CAMSAP3: variants seen among roughly 807,000 people sequenced by gnomAD.
CAMSAP3 encodes the protein calmodulin-regulated spectrin-associated protein 3.
CAMSAP3 carries 34 observed loss-of-function variants against 112.5 expected under a neutral mutation model. The ratio of observed to expected loss-of-function variants is 0.30; its 90% CI spans 0.23 to 0.40. The LOEUF (loss-of-function observed/expected upper bound fraction) is 0.40, where lower values mean the gene tolerates loss of function less well. CAMSAP3 is among the 10% of genes least tolerant of loss of function. The pLI, the probability that CAMSAP3 is intolerant of heterozygous loss-of-function variation, is 1.00. For synonymous variants in CAMSAP3, 868 were observed against 799.8 expected, an observed-to-expected ratio of 1.09 and a Z score of -1.44; for missense variants, 1,602 against 1,770.3, an observed-to-expected ratio of 0.90 and a Z score of 1.71.
chr19:7,606,153 C>CCCCCCCCCCCCCCCA, intron 2 of CAMSAP3, 118 bp from the exon 3 acceptor site: 1 of 471,770 alleles, frequency 2.1e-6, no homozygotes, highest in African/African-American at 2.3e-5. Flanking sequence ...CCCCTCAAGC[C>CCCCCCCCCCCCCCCA]CCACCCCCCC....
Position 7,615,322 on chromosome 19 carries a change from G to A in CAMSAP3, c.2810G>A (p.Arg937Lys). The A allele has an allele frequency of 1.9e-6, 3 of 1,544,568 alleles. No individual in the cohort carries two copies. The highest frequency in any genetic ancestry group is 2.6e-6 in the Non-Finnish European group (3 of 1,143,310). ...EKEQRREEAA[R>K]LAQEEAPGPA... ...GAACAGCGGAGGGAGGAGGCCGCGA[G>A]GTGAGGCCGGGCCTGCCCGGGACGC... is the stretch of plus-strand genomic sequence containing the variant. The change falls in exon 12 of 17, where the codon AGG (arginine) becomes AAG (lysine). Residue 937 changes from arginine (R) to lysine (K), a missense_variant and splice_region_variant. By Grantham distance (26) the Arg-to-Lys change is conservative. This residue lies in a region of CAMSAP3 where 1,100 missense variants were observed against 1,135.7 expected (regional missense o/e 0.97). Coordinates refer to ENST00000160298, the MANE Select transcript of CAMSAP3 (RefSeq NM_020902.2). This position sits in a 1 kb window ranked among gnomAD's most constrained non-coding sequence, Gnocchi z 6.5.
intron 4 of CAMSAP3, 87 bp downstream of exon 4, chr19:7,606,658 G>T: frequency 6.5e-7 from 1 of 1,545,446 alleles, no homozygotes; most frequent in Admixed American, 1.8e-5. Context: ...CTCCTGAAGT[G>T]GGGAGGGGGC....
Position 7,599,588 on chromosome 19 carries a change from A to AT in CAMSAP3, c.148+3438_148+3439insT, listed in dbSNP as rs1460921781. ...CATCCATCCATCCATCCATCCATCC[A>AT]CCCACCCACCTACTCACCGCACTCA... On this transcript the variant is annotated intron_variant, in intron 1 of 16. Coordinates refer to ENST00000160298, the MANE Select transcript of CAMSAP3 (RefSeq NM_020902.2). Among the ~76,000 whole-genome samples the AT allele has an allele frequency of 1.4e-3, 116 of 81,302 alleles. 1 individual carries two copies. Among genetic ancestry groups the AT allele is most frequent in the Middle Eastern group, 8.9e-3 (1 of 112 alleles). 53.3% of individuals were successfully genotyped at this position (81,302 alleles called of 152,430 possible).
Position 7,610,385 on chromosome 19 carries a change from T to C in CAMSAP3, c.761-91T>C. On this transcript the variant is annotated intron_variant, in intron 5 of 16. Transcript: ENST00000160298. This position sits in a 1 kb window ranked among gnomAD's most constrained non-coding sequence, Gnocchi z 4.9. ...CAGAAGCTGGGCTCATAGGAGGTCT[T>C]CCGTGTGTGGGGGACTGCTGGTCCC... is the stretch of plus-strand genomic sequence containing the variant. The C allele has an allele frequency of 8.2e-7, 1 of 1,216,294 alleles. No individual in the cohort carries two copies. The highest frequency in any genetic ancestry group is 1.2e-6 in the Non-Finnish European group (1 of 868,142). The allele number at this position is 1,216,294 out of a possible 1,614,324, so 75.3% of individuals were successfully genotyped here.
rs770844642 is a variant in CAMSAP3, at chr19:7,612,957, A to G, written c.2464A>G (p.Thr822Ala). The G allele has an allele frequency of 8.1e-6, 13 of 1,605,938 alleles. No individual in the cohort carries two copies. Among genetic ancestry groups the G allele is most frequent in the Non-Finnish European group, 1.1e-5 (13 of 1,178,044 alleles). ...KFSPSQVPVQ[T>A]RSSILLAEET... ...CTCGCCGAGCCAGGTGCCCGTGCAG[A>G]CGCGCTCTTCCATCCTCCTGGCGGA... The change falls in exon 11 of 17, where the codon ACG becomes GCG. Residue 822 changes from threonine to alanine, a missense_variant. Physicochemically the swap from Thr to Ala is moderately conservative, Grantham distance 58 (BLOSUM62 0). Coordinates refer to ENST00000160298, the MANE Select transcript of CAMSAP3 (RefSeq NM_020902.2).
intron 2 of CAMSAP3, 115 bp from the exon 3 acceptor site, chr19:7,606,156 A>ACCCCCCCCCCCCCCCCCCCACCCCCCCCC: frequency 4.4e-6 from 1 of 224,848 alleles, no homozygotes; most frequent in Non-Finnish European, 8.5e-6. Context: ...CTCAAGCCCC[A>ACCCCCCCCCCCCCCCCCCCACCCCCCCCC]CCCCCCCCGT....
chr19:7,615,630 C>T lies in CAMSAP3; in HGVS notation c.3023C>T (p.Pro1008Leu). Residue 1008 changes from proline to leucine, a missense_variant, in exon 13 of 17, where the codon CCA (proline) becomes CTA (leucine). By Grantham distance (98) the Pro-to-Leu change is moderately conservative. Around this residue, in one of 6 missense-constraint regions of CAMSAP3, gnomAD observed 1,100 missense variants for 1,135.7 expected, o/e 0.97. Coordinates refer to ENST00000160298, the MANE Select transcript of CAMSAP3 (RefSeq NM_020902.2). This position sits in a 1 kb window ranked among gnomAD's most constrained non-coding sequence, Gnocchi z 6.5. ...LRPRAAGSGG[P>L]GRGGRRATRP... The stretch of plus-strand genomic sequence containing the variant: ...CCCCGGGCTGCGGGGTCCGGGGGTC[C>T]AGGTCGGGGCGGGCGGAGGGCCACC... 2 of 1,437,610 alleles carry T rather than the reference C, an allele frequency of 1.4e-6. No individual in the cohort carries two copies. The highest frequency in any genetic ancestry group is 1.8e-6 in the Non-Finnish European group (2 of 1,098,834). 89.1% of individuals were successfully genotyped at this position (1,437,610 alleles called of 1,614,324 possible).
rs752095273 is a variant in CAMSAP3 at position 7,618,077 on chromosome 19, G to T, written c.*20G>T. On this transcript the variant is annotated 3_prime_UTR_variant, in exon 17 of 17. Coordinates refer to ENST00000160298, the MANE Select transcript of CAMSAP3 (RefSeq NM_020902.2). ...AAATAGCCCCACCCGGGCGGTCCAC[G>T]GGCCGGGCCCTGTGTGCTGCGGCCG... is the stretch of plus-strand genomic sequence containing the variant. 2 of 1,602,778 alleles carry T rather than the reference G, an allele frequency of 1.2e-6. No homozygotes were observed. Among genetic ancestry groups the T allele is most frequent in the African/African-American group, 2.7e-5 (2 of 74,764 alleles).
At chr19:7,609,329 A>G (rs923474182) in intron 5 of CAMSAP3, among the ~76,000 whole-genome samples, 1 of 151,650 alleles carries the variant, frequency 6.6e-6, no homozygotes, top group Admixed American at 6.6e-5. Flanking sequence ...AAAAAAAAAA[A>G]AAAAAAGTAT....
At chr19:7,606,695 C>A in intron 4 of CAMSAP3, 124 bp downstream of exon 4, 10 of 1,583,706 alleles carry the variant, frequency 6.3e-6, no homozygotes, top group Non-Finnish European at 8.7e-6. Flanking sequence ...TCTCTTTCTT[C>A]CCCCCTCTCT....
intron 2 of CAMSAP3, 115 bp from the exon 3 acceptor site, chr19:7,606,156 A>ACCCCCCCCCCCCCCCCCCCACCCCCCCC: frequency 4.4e-6 from 1 of 224,848 alleles, no homozygotes; most frequent in African/African-American, 4.4e-5. Context: ...CTCAAGCCCC[A>ACCCCCCCCCCCCCCCCCCCACCCCCCCC]CCCCCCCCGT....
chr19:7,607,145 TG>T lies in CAMSAP3; in HGVS notation c.621+578del, dbSNP rs1203151771. The stretch of plus-strand genomic sequence containing the variant: ...CTGAACCTGTCCCCCTTAGCCGAGG[TG>T]GGGAGACCACATAAATTTCTGAAGG... On this transcript the variant is annotated intron_variant, in intron 4 of 16. Transcript: ENST00000160298. The surrounding 1 kb of genome is among the most constrained non-coding windows in gnomAD (Gnocchi z 4.9). Among the ~76,000 whole-genome samples the T allele has an allele frequency of 6.6e-6, 1 of 152,060 alleles. No individual in the cohort carries two copies. The highest frequency in any genetic ancestry group is 1.5e-5 in the Non-Finnish European group (1 of 68,010).
In CAMSAP3 at chr19:7,599,452, TCCAC is replaced by T. The variant is rs1180720745; in HGVS notation, c.148+3321_148+3324del. On this transcript the variant is annotated intron_variant, in intron 1 of 16. Coordinates refer to ENST00000160298, the MANE Select transcript of CAMSAP3 (RefSeq NM_020902.2). Reference sequence around the variant, plus strand: ...CCCACCTACCCACTGCACTCATCCATCCACCCACCCACCCACCCACCCCACTCAT... The same window carrying T: ...CCCACCTACCCACTGCACTCATCCATCCACCCACCCACCCACCCCACTCAT... 8.4e-3 allele frequency among the ~76,000 whole-genome samples: 423 copies of T among 50,276 alleles called. 6 individuals carry two copies. The highest frequency in any genetic ancestry group is 0.01 in the Non-Finnish European group (277 of 26,408). The allele number at this position is 50,276 out of a possible 152,430, so 33.0% of individuals were successfully genotyped here. A position where few individuals can be genotyped will look rare whatever the true frequency, so the allele number is the denominator to read the frequency against.
intron 13 of CAMSAP3, 79 bp from the exon 14 acceptor site, chr19:7,616,443 TC>T: frequency 2.0e-6 from 2 of 1,017,856 alleles, no homozygotes; most frequent in Non-Finnish European, 1.6e-6. Flanking sequence ...CCTCCTGTGT[TC>T]CCCCCACAGC....
rs754743404 is a variant in CAMSAP3 at position 7,617,414 on chromosome 19, C to T, written c.3301C>T (p.Pro1101Ser). The T allele has an allele frequency of 3.0e-5, 48 of 1,613,938 alleles. No homozygotes were observed. The highest frequency in any genetic ancestry group is 3.9e-5 in the Non-Finnish European group (46 of 1,179,978). The change falls in exon 15 of 17, where the codon CCA (proline) becomes TCA (serine). Residue 1101 changes from proline (P) to serine (S), a missense_variant. Physicochemically the swap from Pro to Ser is moderately conservative, Grantham distance 74. This residue lies in a region of CAMSAP3 where 1,100 missense variants were observed against 1,135.7 expected (regional missense o/e 0.97). Coordinates refer to ENST00000160298, the MANE Select transcript of CAMSAP3 (RefSeq NM_020902.2). The surrounding 1 kb of genome is among the most constrained non-coding windows in gnomAD (Gnocchi z 7.5). ...DWENGSNASS[P>S]ASVPEYTGPR... Reference sequence around the variant, plus strand: ...GGAAAATGGCAGCAATGCCTCCTCCCCAGCGTCAGTGCCCGAGTACACAGG... The same window carrying T: ...GGAAAATGGCAGCAATGCCTCCTCCTCAGCGTCAGTGCCCGAGTACACAGG...
intron 1 of CAMSAP3, among the ~76,000 whole-genome samples, chr19:7,603,151 T>C (rs2030044423): frequency 6.6e-6 from 1 of 151,978 alleles, no homozygotes; most frequent in South Asian, 2.1e-4. Context: ...AGAAGTCCCG[T>C]TCAAATATGT....
intron 1 of CAMSAP3, among the ~76,000 whole-genome samples, chr19:7,603,473 C>T (rs923606493): frequency 6.6e-6 from 1 of 152,082 alleles, no homozygotes; most frequent in Non-Finnish European, 1.5e-5. Flanking sequence ...CCTTGTTTTC[C>T]CAAAGTGCTG....
At position 7,612,916 on chromosome 19, in the gene CAMSAP3, C is replaced by T. The variant is rs1269686632; in HGVS notation, c.2423C>T (p.Pro808Leu). 6.2e-7 allele frequency: 1 copy of T among 1,609,842 alleles called. No individual in the cohort carries two copies. Among genetic ancestry groups the T allele is most frequent in the Admixed American group, 1.7e-5 (1 of 59,932 alleles). The change falls in exon 11 of 17, where the codon CCC becomes CTC. Residue 808 changes from proline to leucine, a missense_variant. By Grantham distance (98) the Pro-to-Leu change is moderately conservative. This residue lies in a region of CAMSAP3 where 1,100 missense variants were observed against 1,135.7 expected (regional missense o/e 0.97). Transcript: ENST00000160298. ...CCACCCCACGACGTAGACAGCCTCC[C>T]CCACCTGCGCAAGTTCTCGCCGAGC... ...LTPPHDVDSL[P>L]HLRKFSPSQV...
At position 7,617,752 on chromosome 19, in the gene CAMSAP3, G is replaced by A; in HGVS notation, c.3445G>A (p.Glu1149Lys). Residue 1149 changes from glutamate to lysine, a missense_variant and splice_region_variant, in exon 17 of 17, where the codon GAA (glutamate) becomes AAA (lysine). Physicochemically the swap from Glu to Lys is moderately conservative, Grantham distance 56. Transcript: ENST00000160298. This position sits in a 1 kb window ranked among gnomAD's most constrained non-coding sequence, Gnocchi z 7.5. ...NEPQKNRILE[E>K]IEKSKANHFL... ...GACCATTTCCAGCACTCCTGCCCAG[G>A]AAATTGAGAAAAGCAAGGCCAACCA... 1.2e-6 allele frequency: 2 copies of A among 1,611,670 alleles called. No homozygotes were observed. Among genetic ancestry groups the A allele is most frequent in the Non-Finnish European group, 1.7e-6 (2 of 1,178,104 alleles).
Sources: gnomAD v4.1 joint callset for allele counts (sites outside exome capture counted in the v4.1 genomes callset) on GRCh38, gnomAD v4.1.1 for gene constraint, gnomAD v4.1.1 regional missense constraint, Gnocchi (gnomAD v3.1) non-coding constraint, MANE v1.5 for transcripts, NCBI Gene and HGNC (gene_info 2026-07-23, HGNC 2026-07-21) for gene names.